The following SLC19A1 variants were observed in gnomAD, a reference collection of about 807,000 sequenced individuals.
The protein encoded by SLC19A1 is reduced folate transporter.
SLC19A1 carries 37 observed loss-of-function variants against 35.3 expected under a neutral mutation model. The ratio of observed to expected loss-of-function variants is 1.05; its 90% CI spans 0.81 to 1.38. The LOEUF is 1.38. Among genes scored for constraint, SLC19A1 ranks in the 40% most tolerant of loss-of-function variants. The probability of loss-of-function intolerance (pLI) is 0.00; values close to 1 mark genes in which losing one functional copy is unlikely to be tolerated. For missense variants in SLC19A1, 831 were observed against 826.9 expected (o/e 1.00, Z -0.06); for synonymous variants, 460 against 398.5 (o/e 1.15, Z -1.84).
intron 5 of SLC19A1, among the ~76,000 whole-genome samples, chr21:45,525,119 GA>G (rs1257235491): frequency 6.6e-6 from 1 of 152,224 alleles, no homozygotes; most frequent in Admixed American, 6.5e-5. Flanking sequence ...AAGCTGAACA[GA>G]CTCCGCACCC....
At position 45,516,154 on chromosome 21, in the gene SLC19A1, C is replaced by CCGGGTGAGG. The variant is rs751736074; in HGVS notation, c.1294-23_1294-15dup. The CCGGGTGAGG allele has an allele frequency of 4.4e-6, 7 of 1,603,242 alleles. No homozygotes were observed. In the East Asian group the frequency reaches 1.3e-4, roughly 31 times the overall value. ...GTATAACTGGAACTGGAAAGAGAGG[C>CCGGGTGAGG]CGGGTGAGGCGGGTGGGGAGGGCCT... On this transcript the variant is annotated splice_polypyrimidine_tract_variant and intron_variant, in intron 5 of 5. Coordinates refer to ENST00000311124, the MANE Select transcript of SLC19A1 (RefSeq NM_194255.4).
At chr21:45,510,333 G>A, downstream of SLC19A1, 1 of 1,497,312 alleles carries the variant, frequency 6.7e-7, no homozygotes. Context: ...CTCCCAGCGG[G>A]GAGCTCCCCT....
Position 45,515,084 on chromosome 21 carries a change from C to T in SLC19A1, c.*574G>A, listed in dbSNP as rs1401902720. 1.3e-6 allele frequency: 2 copies of T among 1,546,740 alleles called. No homozygotes were observed. Among genetic ancestry groups the T allele is most frequent in the Non-Finnish European group, 1.7e-6 (2 of 1,145,746 alleles). ...CAGAGCCGCTGCTCCCCTCTGATGA[C>T]AATGTGTCTGCCGCCAACCTGAGAT... On this transcript the variant is annotated 3_prime_UTR_variant, in exon 6 of 6. Coordinates refer to ENST00000311124, the MANE Select transcript of SLC19A1 (RefSeq NM_194255.4).
intron 3 of SLC19A1, chr21:45,503,996 G>T (rs770863635): frequency 6.2e-7 from 1 of 1,613,608 alleles, no homozygotes. Flanking sequence ...GACCCCGCCT[G>T]TCTCTCTCTT....
chr21:45,506,118 G>A, intron 3 of SLC19A1: 2 of 1,222,388 alleles, frequency 1.6e-6, no homozygotes, highest in Non-Finnish European at 2.3e-6. Context: ...GTAAAGTTTA[G>A]TAAAATACTT....
upstream of SLC19A1, among the ~76,000 whole-genome samples, chr21:45,545,959 C>T (rs1009579383): frequency 6.6e-6 from 1 of 152,246 alleles, no homozygotes; most frequent in African/African-American, 2.4e-5. Flanking sequence ...CCCCTCTCTC[C>T]AGCCCCCACT....
intron 3 of SLC19A1, among the ~76,000 whole-genome samples, chr21:45,503,445 A>G (rs1602598388): frequency 6.6e-6 from 1 of 152,100 alleles, no homozygotes; most frequent in South Asian, 2.1e-4. Flanking sequence ...ACCATGGAAT[A>G]CTACGCAGCC....
In SLC19A1 at chr21:45,556,830, T is replaced by A. The variant is rs189054907; in HGVS notation, c.-50+5912A>T. On this transcript the variant is annotated intron_variant, in intron 1 of 5. Transcript: ENST00000650808. ...GGCGGGGTGGAGGGTGGCATGGGAG[T>A]CCTGTGGCCGGGGCTTCCTGGGGGC... Among the ~76,000 whole-genome samples the A allele has an allele frequency of 4.0e-3, 601 of 152,032 alleles. 4 individuals carry two copies. Among genetic ancestry groups the A allele is most frequent in the African/African-American group, 0.014 (562 of 41,422 alleles).
At chr21:45,503,973 A>G (rs368579448) in intron 3 of SLC19A1, 54 of 1,612,378 alleles carry the variant, frequency 3.3e-5, no homozygotes, top group Non-Finnish European at 8.5e-7. Flanking sequence ...GCTGTCAGAC[A>G]CCACCTCAGC....
downstream of SLC19A1, chr21:45,509,483 C>A (rs1022303980): frequency 3.9e-6 from 6 of 1,527,722 alleles, no homozygotes; most frequent in Middle Eastern, 1.9e-4. Context: ...GCCAGCCCCC[C>A]TCGCCTGCCC....
At chr21:45,559,964 G>T (rs758191431) in intron 1 of SLC19A1, among the ~76,000 whole-genome samples, 10 of 152,186 alleles carry the variant, frequency 6.6e-5, no homozygotes, top group Non-Finnish European at 1.3e-4. Flanking sequence ...CCAGAGACAG[G>T]ATCCGCATGT....
chr21:45,510,400 A>G, downstream of SLC19A1: 1 of 997,304 alleles, frequency 1.0e-6, no homozygotes. Context: ...TGGCGACTTC[A>G]GGGCAGGCTC....
intron 2 of SLC19A1, among the ~76,000 whole-genome samples, chr21:45,532,570 A>G (rs2074537467): frequency 6.6e-6 from 1 of 152,114 alleles, no homozygotes; most frequent in African/African-American, 2.4e-5. Flanking sequence ...AGTAGCTGAG[A>G]TTACAGGTGC....
At chr21:45,541,361 G>A (rs1190263340) in intron 1 of SLC19A1, among the ~76,000 whole-genome samples, 2 of 152,264 alleles carry the variant, frequency 1.3e-5, no homozygotes, top group East Asian at 3.8e-4. Context: ...TCTGCTGATT[G>A]AATCTGGGCT....
intron 1 of SLC19A1, chr21:45,541,804 A>C (rs2078313510): frequency 6.6e-6 from 1 of 152,180 alleles, no homozygotes; most frequent in Non-Finnish European, 1.5e-5. Flanking sequence ...CCCGTCCCGA[A>C]GCAACACGTG....
At position 45,531,544 on chromosome 21, in the gene SLC19A1, G is replaced by A. The variant is rs1333585092; in HGVS notation, c.794C>T (p.Pro265Leu). The A allele has an allele frequency of 1.2e-6, 2 of 1,612,152 alleles. No individual in the cohort carries two copies. The highest frequency in any genetic ancestry group is 1.1e-5 in the South Asian group (1 of 91,048). Residue 265 changes from proline to leucine, a missense_variant, in exon 3 of 6, where the codon CCG becomes CTG. Transcript: ENST00000311124. ...LRELGDSLRR[P>L]QLRLWSLWWV... ...CCAGAGGGACCACAGGCGCAGCTGC[G>A]GCCGCCGCAGGCTGTCCCCCAGCTC...
At chr21:45,536,656 CA>C (rs1481285615) in intron 2 of SLC19A1, 2 of 168,320 alleles carry the variant, frequency 1.2e-5, no homozygotes, top group African/African-American at 4.8e-5. Context: ...GCACACTCCT[CA>C]GCTGCACATC....
chr21:45,553,772 CCACACCCCCTCCCAATCCCCCA>C (rs2078497851), intron 1 of SLC19A1, among the ~76,000 whole-genome samples: 1 of 5,862 alleles, frequency 1.7e-4, no homozygotes, highest in Admixed American at 1.4e-3. Context: ...TCCCAGTCCC[CCACACCCCCTCCCAATCCCCCA>C]CGCCCCCTCC....
intron 1 of SLC19A1, among the ~76,000 whole-genome samples, chr21:45,550,006 G>A (rs942187978): frequency 1.3e-5 from 2 of 152,026 alleles, no homozygotes; most frequent in African/African-American, 2.4e-5. Flanking sequence ...CGAACTCTCT[G>A]GCATCTTGGG....
Sources: allele counts gnomAD v4.1 joint callset (sites outside exome capture counted in the v4.1 genomes callset), GRCh38; gene constraint gnomAD v4.1.1; transcripts MANE v1.5; gene names NCBI Gene and HGNC (gene_info 2026-07-23, HGNC 2026-07-21).